LRRC9: variants seen among roughly 807,000 people sequenced by gnomAD.
LRRC9 encodes leucine-rich repeat-containing protein 9.
LRRC9 carries 122 observed loss-of-function variants against 63.2 expected under a neutral mutation model. The observed-to-expected ratio is 1.93, with a 90% CI of 1.67 to 2.24. The LOEUF (loss-of-function observed/expected upper bound fraction) is 2.24, where lower values mean the gene tolerates loss of function less well. LRRC9 is among the 30% of genes most tolerant of loss of function. The pLI, the probability that LRRC9 is intolerant of heterozygous loss-of-function variation, is 0.00. For missense variants in LRRC9, 1,071 were observed against 627.7 expected (o/e 1.71, Z -7.55); for synonymous variants, 366 against 213.1 (o/e 1.72, Z -6.25).
chr14:60,015,695 T>C (rs899974019), intron 23 of LRRC9, among the ~76,000 whole-genome samples: 4 of 152,132 alleles, frequency 2.6e-5, no homozygotes, highest in Non-Finnish European at 5.9e-5. Context: ...CACAGATAAC[T>C]CATTATTACT....
chr14:60,020,542 T>G (rs766204572), intron 26 of LRRC9, among the ~76,000 whole-genome samples: 1 of 151,944 alleles, frequency 6.6e-6, no homozygotes, highest in Non-Finnish European at 1.5e-5. Context: ...TTTTACTAAA[T>G]TTATAGAGTT....
In LRRC9 at chr14:60,060,476, C is replaced by T. The variant is rs1342719718; in HGVS notation, c.4276+2454C>T. On this transcript the variant is annotated intron_variant, in intron 31 of 31. Transcript: ENST00000445360. The surrounding 1 kb of genome is among the most constrained non-coding windows in gnomAD (Gnocchi z 4.0). ...TGATTCCTAACCGGGCGCGATGGCT[C>T]ACGCTTGTAATCCCAGCACTTTGGG... Among the ~76,000 whole-genome samples, 1 of 152,186 alleles carries T rather than the reference C, an allele frequency of 6.6e-6. No individual in the cohort carries two copies. Among genetic ancestry groups the T allele is most frequent in the Non-Finnish European group, 1.5e-5 (1 of 68,040 alleles).
intron 16 of LRRC9, 82 bp downstream of exon 16, chr14:59,982,142 T>A (rs1425430224): frequency 1.6e-6 from 1 of 629,646 alleles, no homozygotes; most frequent in African/African-American, 1.8e-5. Context: ...CAAAAGATAC[T>A]AAACTGCCTG....
rs1418309229 is a variant in LRRC9, at chr14:59,964,272, G to A, written c.1212-2317G>A. ...AAGGATCAGTGTTCTCCACTGTATAGTTTTAGACTATCATAACTTCTGTTC... is the reference window on the plus strand; with the variant it reads ...AAGGATCAGTGTTCTCCACTGTATAATTTTAGACTATCATAACTTCTGTTC... On this transcript the variant is annotated intron_variant, in intron 10 of 31. Coordinates refer to ENST00000445360, the Ensembl canonical transcript of LRRC9. The surrounding 1 kb of genome is among the most constrained non-coding windows in gnomAD (Gnocchi z 4.4). Among the ~76,000 whole-genome samples the A allele has an allele frequency of 6.6e-6, 1 of 152,198 alleles. No homozygotes were observed. The highest frequency in any genetic ancestry group is 1.9e-4 in the East Asian group (1 of 5,188).
At position 59,938,561 on chromosome 14, in the gene LRRC9, G is replaced by T. The variant is rs553515353; in HGVS notation, c.715G>T (p.Glu239Ter). ...GGATGTGTCAGCAAAGCAAATCAAG[G>T]AACTGGCAGATGTAAGTACATCCCT... Residue 239 changes from glutamate (E) to a stop codon, truncating the protein, a stop_gained, in exon 7 of 32, where the codon GAA (glutamate) becomes TAA (stop). Coordinates refer to ENST00000445360, the Ensembl canonical transcript of LRRC9. LOFTEE classifies it high-confidence loss of function. This position sits in a 1 kb window ranked among gnomAD's most constrained non-coding sequence, Gnocchi z 4.2. The T allele has an allele frequency of 2.9e-6, 2 of 690,614 alleles. No individual in the cohort carries two copies. Among genetic ancestry groups the T allele is most frequent in the Non-Finnish European group, 5.3e-6 (2 of 379,844 alleles). The allele number at this position is 690,614 out of a possible 1,614,324, so 42.8% of individuals were successfully genotyped here. A position where few individuals can be genotyped will look rare whatever the true frequency, so the allele number is the denominator to read the frequency against.
At position 60,019,113 on chromosome 14, in the gene LRRC9, T is replaced by C. The variant is rs1348388886; in HGVS notation, c.3427-8T>C. ...GGATTTCTGATTAATAAGATATTCTTTCTGTAGGTCTTATGCCTTAACTAT... is the reference window on the plus strand; with the variant it reads ...GGATTTCTGATTAATAAGATATTCTCTCTGTAGGTCTTATGCCTTAACTAT... On this transcript the variant is annotated splice_polypyrimidine_tract_variant and splice_region_variant and intron_variant, in intron 25 of 31. Coordinates refer to ENST00000445360, the Ensembl canonical transcript of LRRC9. The C allele has an allele frequency of 1.2e-5, 8 of 659,256 alleles. No homozygotes were observed. In the Admixed American group the frequency reaches 2.0e-4, roughly 16 times the overall value. The allele number at this position is 659,256 out of a possible 1,614,324, so 40.8% of individuals were successfully genotyped here.
chr14:60,033,621 C>A (rs1892173324), intron 29 of LRRC9, among the ~76,000 whole-genome samples: 1 of 151,984 alleles, frequency 6.6e-6, no homozygotes, highest in African/African-American at 2.4e-5. Context: ...ATGAATACTT[C>A]TTGGTCATGT....
At position 60,042,551 on chromosome 14, in the gene LRRC9, T is replaced by C. The variant is rs372685713; in HGVS notation, c.3990+10488T>C. On this transcript the variant is annotated intron_variant, in intron 29 of 31. Coordinates refer to ENST00000445360, the Ensembl canonical transcript of LRRC9. This position sits in a 1 kb window ranked among gnomAD's most constrained non-coding sequence, Gnocchi z 4.2. ...CGTGGGCATGGGATCCTCCAAGCCA[T>C]GCGCGGGATATAATCTCCTGTTGTG... Among the ~76,000 whole-genome samples the C allele has an allele frequency of 1.1e-3, 170 of 152,296 alleles. No individual in the cohort carries two copies. Among genetic ancestry groups the C allele is most frequent in the Non-Finnish European group, 2.0e-3 (139 of 68,022 alleles).
intron 6 of LRRC9, among the ~76,000 whole-genome samples, chr14:59,937,794 T>C (rs1881197511): frequency 1.3e-5 from 2 of 152,074 alleles, no homozygotes; most frequent in Non-Finnish European, 1.5e-5. Context: ...TCCCTCCTCA[T>C]CCATAGGTTG....
chr14:60,056,010 T>C (rs751463827), intron 30 of LRRC9, among the ~76,000 whole-genome samples: 5 of 152,346 alleles, frequency 3.3e-5, no homozygotes, highest in Non-Finnish European at 5.9e-5. Flanking sequence ...CCGCATTCTT[T>C]GGCTCATGGC....
At position 59,959,887 on chromosome 14, in the gene LRRC9, G is replaced by A. The variant is rs191503629; in HGVS notation, c.952G>A (p.Val318Ile). The A allele has an allele frequency of 1.9e-5, 13 of 699,456 alleles. No homozygotes were observed. In the African/African-American group the frequency reaches 2.1e-4, roughly 11 times the overall value. 43.3% of individuals were successfully genotyped at this position (699,456 alleles called of 1,614,324 possible). A position where few individuals can be genotyped will look rare whatever the true frequency, so the allele number is the denominator to read the frequency against. The stretch of plus-strand genomic sequence containing the variant: ...CAGTGATGGATCCAATAACAGTAAA[G>A]TAACTGATCCTGAAACACTGAAGAG... The change falls in exon 9 of 32, where the codon GTA becomes ATA. Residue 318 changes from valine to isoleucine, a missense_variant. Val to Ile is a conservative substitution (Grantham distance 29). Coordinates refer to ENST00000445360, the Ensembl canonical transcript of LRRC9.
intron 27 of LRRC9, among the ~76,000 whole-genome samples, chr14:60,025,381 C>A (rs949962779): frequency 6.6e-6 from 1 of 151,840 alleles, no homozygotes; most frequent in Non-Finnish European, 1.5e-5. Context: ...GGATTACAGG[C>A]GTGAGCCACC....
chr14:59,994,192 C>G (rs1341556665), intron 17 of LRRC9, among the ~76,000 whole-genome samples: 1 of 151,960 alleles, frequency 6.6e-6, no homozygotes, highest in African/African-American at 2.4e-5. Context: ...CATCAAAAAG[C>G]GGGCAAAGGA....
chr14:60,007,146 C>T (rs1366016465), intron 22 of LRRC9, among the ~76,000 whole-genome samples: 1 of 152,190 alleles, frequency 6.6e-6, no homozygotes, highest in Admixed American at 6.5e-5. Context: ...GGGTCTTACA[C>T]TGGCCTGTCC....
intron 10 of LRRC9, 129 bp downstream of exon 10, chr14:59,961,174 C>A (rs1409778104): frequency 2.0e-6 from 1 of 488,902 alleles, no homozygotes; most frequent in Non-Finnish European, 3.6e-6. Context: ...GAATATTCAT[C>A]TATTGAAAAT....
intron 7 of LRRC9, among the ~76,000 whole-genome samples, chr14:59,940,588 A>T (rs1270319866): frequency 1.3e-5 from 2 of 152,130 alleles, no homozygotes; most frequent in African/African-American, 4.8e-5. Context: ...TGAATGTGCC[A>T]CTACTGAAGA....
chr14:59,962,308 A>G lies in LRRC9; in HGVS notation c.1211+1263A>G, dbSNP rs551868538. ...ACAAAGATATAAAAGGTGTTCATCC[A>G]GCTCCCATGTAAACAAGTAAAGGCC... On this transcript the variant is annotated intron_variant, in intron 10 of 31. Transcript: ENST00000445360. The surrounding 1 kb of genome is among the most constrained non-coding windows in gnomAD (Gnocchi z 5.1). Among the ~76,000 whole-genome samples, 12 of 152,326 alleles carry G rather than the reference A, an allele frequency of 7.9e-5. No individual in the cohort carries two copies. The highest frequency in any genetic ancestry group is 2.9e-4 in the African/African-American group (12 of 41,582).
intron 17 of LRRC9, among the ~76,000 whole-genome samples, chr14:59,991,049 T>C (rs1370154872): frequency 6.6e-6 from 1 of 152,246 alleles, no homozygotes; most frequent in Non-Finnish European, 1.5e-5. Flanking sequence ...ATTCACAGCA[T>C]TTGAAAACTT....
At chr14:59,957,489 T>G (rs1199617277) in intron 8 of LRRC9, among the ~76,000 whole-genome samples, 1 of 152,138 alleles carries the variant, frequency 6.6e-6, no homozygotes, top group Non-Finnish European at 1.5e-5. Context: ...AGGTCATTTA[T>G]GTTCTTCTCT....
Sources: gnomAD v4.1 joint callset for allele counts (sites outside exome capture counted in the v4.1 genomes callset) on GRCh38, gnomAD v4.1.1 for gene constraint, Gnocchi (gnomAD v3.1) non-coding constraint, MANE v1.5 for transcripts, NCBI Gene and HGNC (gene_info 2026-07-23, HGNC 2026-07-21) for gene names.